Variants in CAMTA1 observed in about 807,000 individuals in gnomAD.
The protein encoded by CAMTA1 is calmodulin-binding transcription activator 1.
Under a neutral mutation model 170.9 loss-of-function variants are expected in CAMTA1, and 27 were observed. That is an observed-to-expected ratio of 0.16 (90% CI 0.12 to 0.22). CAMTA1 has a LOEUF of 0.22. Ranked by LOEUF, CAMTA1 falls within the 10% of genes least tolerant of loss-of-function variation. CAMTA1 has a pLI of 1.00. For synonymous variants in CAMTA1, 833 were observed against 891.5 expected, an observed-to-expected ratio of 0.93 and a Z score of 1.17; for missense variants, 1,619 against 2,217.2, an observed-to-expected ratio of 0.73 and a Z score of 5.42.
At chr1:7,118,267 T>C (rs897726928) in intron 4 of CAMTA1, among the ~76,000 whole-genome samples, 85 of 146,126 alleles carry the variant, frequency 5.8e-4, no homozygotes, top group African/African-American at 2.1e-3. Flanking sequence ...GGGGTCAGAG[T>C]GGGACTGCAG....
intron 11 of CAMTA1, among the ~76,000 whole-genome samples, chr1:7,711,628 C>G (rs1222877188): frequency 1.3e-5 from 2 of 152,172 alleles, no homozygotes; most frequent in African/African-American, 4.8e-5. Flanking sequence ...TATTGACTAA[C>G]AATTTCTAGG....
At chr1:7,109,025 G>T (rs548681431) in intron 4 of CAMTA1, among the ~76,000 whole-genome samples, 1 of 152,306 alleles carries the variant, frequency 6.6e-6, no homozygotes, top group Admixed American at 6.5e-5. Context: ...TCTAGCTGTT[G>T]GCCAGAGGCT....
intron 5 of CAMTA1, chr1:7,388,281 G>A (rs944070946): frequency 9.2e-5 from 14 of 152,272 alleles, no homozygotes; most frequent in African/African-American, 3.1e-4. Flanking sequence ...CTCCTCTGAG[G>A]TCAGCCCATG....
chr1:7,075,819 C>G (rs1378707315), intron 3 of CAMTA1, among the ~76,000 whole-genome samples: 1 of 152,016 alleles, frequency 6.6e-6, no homozygotes, highest in Non-Finnish European at 1.5e-5. Flanking sequence ...TGTGCCACCA[C>G]GCCCGGCTAA....
At chr1:6,910,123 C>G (rs1679383868) in intron 3 of CAMTA1, among the ~76,000 whole-genome samples, 2 of 152,266 alleles carry the variant, frequency 1.3e-5, no homozygotes, top group African/African-American at 4.8e-5. Flanking sequence ...AAGCCACTTG[C>G]TGTCCTCTTG....
intron 3 of CAMTA1, among the ~76,000 whole-genome samples, chr1:6,833,606 G>GT: frequency 6.6e-6 from 1 of 152,132 alleles, no homozygotes; most frequent in East Asian, 1.9e-4. Context: ...CTGAGAAGCT[G>GT]TTTTTTACAT....
chr1:6,987,270 C>T (rs988657901), intron 3 of CAMTA1, among the ~76,000 whole-genome samples: 2 of 151,824 alleles, frequency 1.3e-5, no homozygotes, highest in East Asian at 3.9e-4. Flanking sequence ...TCAAGCGATT[C>T]TTCTGCCTCA....
chr1:7,687,337 G>A (rs568057960), intron 11 of CAMTA1, among the ~76,000 whole-genome samples: 1 of 152,002 alleles, frequency 6.6e-6, no homozygotes, highest in African/African-American at 2.4e-5. Context: ...ACGTGGTCAG[G>A]CAGGTCAGAT....
At chr1:7,109,576 C>T (rs1212048300) in intron 4 of CAMTA1, among the ~76,000 whole-genome samples, 2 of 152,214 alleles carry the variant, frequency 1.3e-5, no homozygotes, top group South Asian at 4.1e-4. Context: ...CCTCCTAACA[C>T]AGCTCTCGTT....
At chr1:7,743,344 A>G (rs2096832022) in intron 16 of CAMTA1, among the ~76,000 whole-genome samples, 1 of 152,122 alleles carries the variant, frequency 6.6e-6, no homozygotes, top group African/African-American at 2.4e-5. Flanking sequence ...GGTATAATTT[A>G]CGTATGATAA....
At chr1:7,273,271 G>T (rs1670117249) in intron 5 of CAMTA1, among the ~76,000 whole-genome samples, 1 of 152,148 alleles carries the variant, frequency 6.6e-6, no homozygotes, top group South Asian at 2.1e-4. Flanking sequence ...AGAAATAAAA[G>T]CATATTCACA....
intron 5 of CAMTA1, among the ~76,000 whole-genome samples, chr1:7,458,162 A>G (rs2149493738): frequency 6.6e-6 from 1 of 152,262 alleles, no homozygotes; most frequent in East Asian, 1.9e-4. Context: ...TCTCAAAGGA[A>G]CCAACCTTCA....
intron 4 of CAMTA1, among the ~76,000 whole-genome samples, chr1:7,245,490 A>G (rs1023360303): frequency 1.5e-4 from 23 of 152,148 alleles, no homozygotes; most frequent in African/African-American, 5.5e-4. Context: ...TTGGCTAGAT[A>G]ATTAAAATAT....
At chr1:6,838,886 G>A (rs1332752547) in intron 3 of CAMTA1, among the ~76,000 whole-genome samples, 1 of 151,948 alleles carries the variant, frequency 6.6e-6, no homozygotes, top group Admixed American at 6.6e-5. Flanking sequence ...CCTCCTGAAT[G>A]GTTAGGACTA....
intron 5 of CAMTA1, among the ~76,000 whole-genome samples, chr1:7,466,862 C>T (rs1257776050): frequency 6.6e-6 from 1 of 152,152 alleles, no homozygotes; most frequent in African/African-American, 2.4e-5. Flanking sequence ...CTTCCCTCTC[C>T]AAATTGATGA....
chr1:6,946,657 T>C (rs1445714798), intron 3 of CAMTA1, among the ~76,000 whole-genome samples: 1 of 152,242 alleles, frequency 6.6e-6, no homozygotes, highest in African/African-American at 2.4e-5. Context: ...AATTTTAAAA[T>C]AGTATTTGTC....
At chr1:6,893,499 A>C (rs376532633) in intron 3 of CAMTA1, among the ~76,000 whole-genome samples, 1 of 152,262 alleles carries the variant, frequency 6.6e-6, no homozygotes, top group East Asian at 1.9e-4. Flanking sequence ...CAGATGAGAC[A>C]GTCTGGCTGG....
At chr1:7,011,578 C>T (rs1237205787) in intron 3 of CAMTA1, among the ~76,000 whole-genome samples, 7 of 152,246 alleles carry the variant, frequency 4.6e-5, no homozygotes, top group African/African-American at 1.7e-4. Context: ...TGGCATCACT[C>T]TTCTAGAGGT....
At chr1:6,878,791 A>G (rs1670652524) in intron 3 of CAMTA1, among the ~76,000 whole-genome samples, 1 of 152,202 alleles carries the variant, frequency 6.6e-6, no homozygotes, top group South Asian at 2.1e-4. Flanking sequence ...GGCTTCACCC[A>G]TTCCATAACC....
Sources: gnomAD v4.1 joint callset for allele counts (sites outside exome capture counted in the v4.1 genomes callset) on GRCh38, gnomAD v4.1.1 for gene constraint, MANE v1.5 for transcripts, NCBI Gene and HGNC (gene_info 2026-07-23, HGNC 2026-07-21) for gene names.